The following TENT4A variants were observed in gnomAD, a reference collection of about 807,000 sequenced individuals.
TENT4A encodes the protein DNA polymerase kappa.
A neutral mutation model predicts 72.8 loss-of-function variants in TENT4A; 7 were observed. The ratio of observed to expected loss-of-function variants is 0.10; its 90% CI spans 0.05 to 0.18. TENT4A has a LOEUF of 0.18. Among genes scored for constraint, TENT4A ranks in the 10% least tolerant of loss-of-function variants. TENT4A has a pLI of 1.00. For missense variants in TENT4A, 831 were observed against 1,017.7 expected (o/e 0.82, Z 2.50); for synonymous variants, 456 against 434.3 (o/e 1.05, Z -0.62).
intron 2 of TENT4A, 98 bp from the exon 3 acceptor site, chr5:6,738,585 C>A: frequency 1.2e-6 from 1 of 869,436 alleles, no homozygotes; most frequent in Non-Finnish European, 1.9e-6. Context: ...TATTTTTTAC[C>A]CAAGGGTATA....
At chr5:6,735,757 T>TA (rs1491179239) in intron 1 of TENT4A, among the ~76,000 whole-genome samples, 1 of 151,390 alleles carries the variant, frequency 6.6e-6, no homozygotes, top group South Asian at 2.1e-4. Context: ...GGTTTTTTCT[T>TA]ACTTTTTTTT....
chr5:6,755,904 C>T lies in TENT4A; in HGVS notation c.*959C>T, dbSNP rs1742669788. The stretch of plus-strand genomic sequence containing the variant: ...TATAAAATCTTTAGGAAAATGTGAA[C>T]TGGAAAACGCTTCGGTCAGTTTTAG... On this transcript the variant is annotated 3_prime_UTR_variant, in exon 13 of 13. Coordinates refer to ENST00000230859, the MANE Select transcript of TENT4A (RefSeq NM_006999.6). The T allele has an allele frequency of 6.6e-6, 1 of 152,248 alleles. No individual in the cohort carries two copies. Among genetic ancestry groups the T allele is most frequent in the African/African-American group, 2.4e-5 (1 of 41,468 alleles). The allele number at this position is 152,248 out of a possible 1,614,324, so 9.4% of individuals were successfully genotyped here.
At chr5:6,737,939 A>T (rs1579477107) in intron 2 of TENT4A, among the ~76,000 whole-genome samples, 1 of 103,356 alleles carries the variant, frequency 9.7e-6, no homozygotes, top group African/African-American at 3.3e-5. Context: ...GAAGGGGGAG[A>T]ATGGTGTGAT....
rs937547908 is a variant in TENT4A at position 6,739,616 on chromosome 5, G to A, written c.888-116G>A. ...TTAGGGGCCATAGGCTAGTGGGATT[G>A]TGTCTTGGCCTTTGTGGGAGACACA... On this transcript the variant is annotated intron_variant, in intron 3 of 12. Coordinates refer to ENST00000230859, the MANE Select transcript of TENT4A (RefSeq NM_006999.6). 3.2e-6 allele frequency: 4 copies of A among 1,257,712 alleles called. No homozygotes were observed. In the African/African-American group the frequency reaches 5.9e-5, roughly 19 times the overall value. 77.9% of individuals were successfully genotyped at this position (1,257,712 alleles called of 1,614,324 possible). A position where few individuals can be genotyped will look rare whatever the true frequency, so the allele number is the denominator to read the frequency against.
intron 1 of TENT4A, among the ~76,000 whole-genome samples, chr5:6,728,502 A>G (rs1255110203): frequency 6.6e-6 from 1 of 152,212 alleles, no homozygotes; most frequent in East Asian, 1.9e-4. Flanking sequence ...TAGCTTTTTC[A>G]GGGGCCTTGC....
rs1247872856 is a variant in TENT4A at position 6,714,375 on chromosome 5, C to T, written c.392C>T (p.Ser131Leu). Residue 131 changes from serine to leucine, a missense_variant, in exon 1 of 13, where the codon TCG (serine) becomes TTG (leucine). Physicochemically the swap from Ser to Leu is moderately radical, Grantham distance 145 (BLOSUM62 -2). This residue lies in a region of TENT4A where 302 missense variants were observed against 293.8 expected (regional missense o/e 1.03). Transcript: ENST00000230859. ...ACCGAGAGCCCCGGCTGCTCGTCGTCGTCCTCCAGCAGCGCCTCGCTGGGC... is the reference window on the plus strand; with the variant it reads ...ACCGAGAGCCCCGGCTGCTCGTCGTTGTCCTCCAGCAGCGCCTCGCTGGGC... ...SGTESPGCSS[S>L]SSSSASLGRP... 3 of 1,137,058 alleles carry T rather than the reference C, an allele frequency of 2.6e-6. No individual in the cohort carries two copies. The highest frequency in any genetic ancestry group is 4.3e-5 in the South Asian group (1 of 23,472). The allele number at this position is 1,137,058 out of a possible 1,614,324, so 70.4% of individuals were successfully genotyped here. A position where few individuals can be genotyped will look rare whatever the true frequency, so the allele number is the denominator to read the frequency against.
intron 1 of TENT4A, among the ~76,000 whole-genome samples, chr5:6,726,147 G>A (rs1740908506): frequency 1.3e-5 from 2 of 152,258 alleles, no homozygotes; most frequent in South Asian, 2.1e-4. Context: ...AACCCTTACC[G>A]AGGGCCAGGC....
chr5:6,744,891 T>C (rs1462435645), intron 6 of TENT4A, among the ~76,000 whole-genome samples: 2 of 152,230 alleles, frequency 1.3e-5, no homozygotes, highest in Non-Finnish European at 2.9e-5. Context: ...TAACAACAGC[T>C]ACTTAATACT....
chr5:6,719,501 C>T (rs745984540), intron 1 of TENT4A, among the ~76,000 whole-genome samples: 1 of 152,206 alleles, frequency 6.6e-6, no homozygotes, highest in African/African-American at 2.4e-5. Flanking sequence ...AGCCGCAGTG[C>T]TGCCATGAAG....
intron 12 of TENT4A, among the ~76,000 whole-genome samples, chr5:6,753,851 C>A (rs1410971777): frequency 6.6e-6 from 1 of 152,248 alleles, no homozygotes; most frequent in African/African-American, 2.4e-5. Context: ...ATTTATCCAT[C>A]CCCGATAGAC....
At chr5:6,726,932 C>T (rs1388667338) in intron 1 of TENT4A, among the ~76,000 whole-genome samples, 1 of 152,166 alleles carries the variant, frequency 6.6e-6, no homozygotes, top group African/African-American at 2.4e-5. Flanking sequence ...GTCCCATCTT[C>T]CTGTGGGTGG....
At chr5:6,715,699 T>C (rs537539440) in intron 1 of TENT4A, among the ~76,000 whole-genome samples, 7 of 152,346 alleles carry the variant, frequency 4.6e-5, no homozygotes, top group African/African-American at 1.4e-4. Context: ...TAGTAAACTT[T>C]TGCTTGTAAC....
At chr5:6,748,354 A>C in intron 7 of TENT4A, 110 bp from the exon 8 acceptor site, 4 of 1,419,620 alleles carry the variant, frequency 2.8e-6, no homozygotes, top group Non-Finnish European at 3.9e-6. Context: ...AGGGTCTGGA[A>C]GAGTTTCAGT....
At chr5:6,715,016 G>T in intron 1 of TENT4A, 1 of 180,780 alleles carries the variant, frequency 5.5e-6, no homozygotes, top group Non-Finnish European at 1.1e-5. Flanking sequence ...CTCCGGGCAA[G>T]TGAGGAACCC....
chr5:6,723,933 A>C (rs182053406), intron 1 of TENT4A, among the ~76,000 whole-genome samples: 9 of 152,348 alleles, frequency 5.9e-5, no homozygotes, highest in African/African-American at 1.9e-4. Context: ...GTTGCATTCT[A>C]TGAAGAGTGG....
intron 1 of TENT4A, among the ~76,000 whole-genome samples, chr5:6,715,669 C>T (rs1357588605): frequency 6.6e-6 from 1 of 152,182 alleles, no homozygotes; most frequent in Non-Finnish European, 1.5e-5. Context: ...ACCACAATTG[C>T]TAGGTGTTGG....
At chr5:6,717,099 C>T (rs375325118) in intron 1 of TENT4A, among the ~76,000 whole-genome samples, 4 of 152,206 alleles carry the variant, frequency 2.6e-5, no homozygotes, top group African/African-American at 7.2e-5. Flanking sequence ...TGATCATTTC[C>T]ACATGGCCTG....
chr5:6,735,298 G>A (rs184409087), intron 1 of TENT4A, among the ~76,000 whole-genome samples: 6 of 152,324 alleles, frequency 3.9e-5, no homozygotes, highest in Admixed American at 3.3e-4. Context: ...GAACAGGACT[G>A]TGAGGTGCAG....
At chr5:6,720,047 C>G (rs1410162921) in intron 1 of TENT4A, among the ~76,000 whole-genome samples, 1 of 152,188 alleles carries the variant, frequency 6.6e-6, no homozygotes, top group Non-Finnish European at 1.5e-5. Context: ...TGCTTGCTAG[C>G]TGCCAGCAGG....
Sources: gnomAD v4.1 joint callset for allele counts (sites outside exome capture counted in the v4.1 genomes callset) on GRCh38, gnomAD v4.1.1 for gene constraint, gnomAD v4.1.1 regional missense constraint, MANE v1.5 for transcripts, NCBI Gene and HGNC (gene_info 2026-07-23, HGNC 2026-07-21) for gene names.